The following SMYD3 variants were observed in gnomAD, a reference collection of about 807,000 sequenced individuals.
The protein encoded by SMYD3 is SET and MYND domain containing 3, also known as histone-lysine N-methyltransferase SMYD3.
Under a neutral mutation model 57.7 loss-of-function variants are expected in SMYD3, and 36 were observed. That is an observed-to-expected ratio of 0.62 (90% confidence interval 0.48 to 0.82). SMYD3 has a LOEUF of 0.82. Among genes scored for constraint, SMYD3 ranks in the 40% least tolerant of loss-of-function variants. The probability of loss-of-function intolerance (pLI) is 0.00; values close to 1 mark genes in which losing one functional copy is unlikely to be tolerated. For synonymous variants in SMYD3, 211 were observed against 195.0 expected (o/e 1.08, Z -0.68); for missense variants, 515 against 538.8 (o/e 0.96, Z 0.44).
intron 10 of SMYD3, among the ~76,000 whole-genome samples, chr1:245,781,929 A>C (rs1237710822): frequency 6.6e-6 from 1 of 152,160 alleles, no homozygotes; most frequent in African/African-American, 2.4e-5. Flanking sequence ...AGATTGTGCC[A>C]CTGCACTCTG....
chr1:246,425,327 A>G (rs2067202953), intron 1 of SMYD3, among the ~76,000 whole-genome samples: 1 of 152,140 alleles, frequency 6.6e-6, no homozygotes, highest in South Asian at 2.1e-4. Flanking sequence ...TACAACACCA[A>G]CCTAGATAAC....
chr1:245,951,996 G>A (rs1412545767), intron 5 of SMYD3, among the ~76,000 whole-genome samples: 3 of 152,150 alleles, frequency 2.0e-5, no homozygotes, highest in Admixed American at 2.0e-4. Context: ...ATTTGCATAT[G>A]TGAGGTTTCC....
At chr1:245,870,722 C>T (rs958069862) in intron 8 of SMYD3, among the ~76,000 whole-genome samples, 9 of 152,210 alleles carry the variant, frequency 5.9e-5, no homozygotes, top group African/African-American at 1.9e-4. Context: ...TGCCAGATAC[C>T]AGTAGTCACT....
chr1:246,405,606 G>A (rs997364780), intron 1 of SMYD3, among the ~76,000 whole-genome samples: 27 of 151,918 alleles, frequency 1.8e-4, no homozygotes, highest in African/African-American at 5.3e-4. Context: ...GTCGCACAGC[G>A]ATTAAAAGAA....
chr1:246,280,211 G>A (rs1226350552), intron 5 of SMYD3, among the ~76,000 whole-genome samples: 1 of 152,124 alleles, frequency 6.6e-6, no homozygotes, highest in African/African-American at 2.4e-5. Flanking sequence ...CATTTCATAT[G>A]CAAGCTATAA....
intron 5 of SMYD3, among the ~76,000 whole-genome samples, chr1:246,034,065 G>A (rs868215811): frequency 2.0e-5 from 3 of 152,100 alleles, no homozygotes; most frequent in South Asian, 2.1e-4. Context: ...AAATTATTAC[G>A]TATATGAAAA....
At chr1:245,892,699 A>C (rs983918271) in intron 8 of SMYD3, among the ~76,000 whole-genome samples, 1 of 152,234 alleles carries the variant, frequency 6.6e-6, no homozygotes, top group Non-Finnish European at 1.5e-5. Context: ...TCCATATACA[A>C]AAAAGAACAT....
chr1:246,410,850 C>T (rs2102984719), intron 1 of SMYD3, among the ~76,000 whole-genome samples: 1 of 152,198 alleles, frequency 6.6e-6, no homozygotes. Flanking sequence ...ATTTCAGAGC[C>T]TGTTATTGGT....
chr1:245,992,541 C>T lies in SMYD3; in HGVS notation c.532-62604G>A, dbSNP rs558113169. 3.2e-3 allele frequency among the ~76,000 whole-genome samples: 485 copies of T among 151,166 alleles called. 1 individual carries two copies. Among genetic ancestry groups the T allele is most frequent in the African/African-American group, 0.011 (448 of 41,252 alleles). ...CATGGATCGGCCACTTCTAGAATGG[C>T]GGTCATGGGGCCTGGAGTGGTCATG... On this transcript the variant is annotated intron_variant, in intron 5 of 11. Transcript: ENST00000490107.
chr1:245,839,411 C>CA (rs1553338533), intron 10 of SMYD3, among the ~76,000 whole-genome samples: 1 of 152,008 alleles, frequency 6.6e-6, no homozygotes, highest in Non-Finnish European at 1.5e-5. Flanking sequence ...CCTCGTGATC[C>CA]GCCCACCTCG....
chr1:246,503,579 C>G (rs1415537958), intron 1 of SMYD3, among the ~76,000 whole-genome samples: 1 of 152,144 alleles, frequency 6.6e-6, no homozygotes, highest in Admixed American at 6.5e-5. Context: ...CCAAAGCAAA[C>G]GGGAAATACA....
intron 5 of SMYD3, among the ~76,000 whole-genome samples, chr1:246,089,860 C>T (rs184535063): frequency 4.0e-5 from 6 of 150,260 alleles, no homozygotes; most frequent in African/African-American, 1.5e-4. Flanking sequence ...GCATTTAAAA[C>T]CTATGTCTGA....
intron 7 of SMYD3, among the ~76,000 whole-genome samples, chr1:245,924,531 A>G (rs2056222729): frequency 6.6e-6 from 1 of 151,924 alleles, no homozygotes; most frequent in Admixed American, 6.6e-5. Context: ...TCCTTGTGTG[A>G]GGTTTGAAAT....
intron 9 of SMYD3, among the ~76,000 whole-genome samples, chr1:245,860,033 C>A (rs112070698): frequency 2.6e-5 from 4 of 152,342 alleles, no homozygotes; most frequent in African/African-American, 9.6e-5. Flanking sequence ...TCGTGGCATG[C>A]ACAAAGCACA....
intron 5 of SMYD3, among the ~76,000 whole-genome samples, chr1:246,002,306 T>C (rs1274593292): frequency 1.0e-5 from 1 of 96,838 alleles, no homozygotes; most frequent in African/African-American, 3.1e-5. Flanking sequence ...TGCCTCAGCC[T>C]CCCGAGTAGC....
At chr1:246,186,022 T>G (rs533149689) in intron 5 of SMYD3, among the ~76,000 whole-genome samples, 2 of 152,244 alleles carry the variant, frequency 1.3e-5, no homozygotes, top group East Asian at 1.9e-4. Flanking sequence ...CGGTCAAATC[T>G]CACCATTTTT....
intron 5 of SMYD3, among the ~76,000 whole-genome samples, chr1:246,316,616 G>A (rs1487547946): frequency 2.1e-5 from 3 of 140,876 alleles, no homozygotes; most frequent in Admixed American, 1.5e-4. Flanking sequence ...CCTGACCTCA[G>A]GTGATCCACC....
chr1:246,363,397 G>A (rs2066040227), intron 1 of SMYD3, among the ~76,000 whole-genome samples: 1 of 152,142 alleles, frequency 6.6e-6, no homozygotes, highest in South Asian at 2.1e-4. Context: ...CCTCTGCCCG[G>A]CCACCACCCC....
chr1:246,145,596 G>C (rs2061830411), intron 5 of SMYD3, among the ~76,000 whole-genome samples: 1 of 152,204 alleles, frequency 6.6e-6, no homozygotes, highest in South Asian at 2.1e-4. Context: ...TAAGAGCACA[G>C]GCTTGGCAAT....
Sources: allele counts gnomAD v4.1 joint callset (sites outside exome capture counted in the v4.1 genomes callset), GRCh38; gene constraint gnomAD v4.1.1; transcripts MANE v1.5; gene names NCBI Gene and HGNC (gene_info 2026-07-23, HGNC 2026-07-21).